Variants in ARCN1 observed in about 807,000 individuals in gnomAD.
ARCN1 encodes archain 1 coat protein complex I subunit delta.
In ARCN1, 5 loss-of-function variants were observed where a neutral mutation model predicts 60.4. That is an observed-to-expected ratio of 0.08 (90% CI 0.04 to 0.17). The LOEUF is 0.17. ARCN1 is among the 10% of genes least tolerant of loss of function. ARCN1 has a pLI of 1.00. For missense variants in ARCN1, 464 were observed against 626.5 expected, an observed-to-expected ratio of 0.74 and a Z score of 2.77; for synonymous variants, 224 against 220.0, an observed-to-expected ratio of 1.02 and a Z score of -0.16.
Position 118,581,925 on chromosome 11 carries a change from G to GACACACACACACACAC in ARCN1, c.267+419_267+420insCACACACACACACACA, listed in dbSNP as rs1361432735. 3.8e-3 allele frequency among the ~76,000 whole-genome samples: 455 copies of GACACACACACACACAC among 121,058 alleles called. 3 individuals carry two copies. The highest frequency in any genetic ancestry group is 5.9e-3 in the Non-Finnish European group (333 of 56,316). The allele number at this position is 121,058 out of a possible 152,430, so 79.4% of individuals were successfully genotyped here. On this transcript the variant is annotated intron_variant, in intron 2 of 9. Coordinates refer to ENST00000264028, the MANE Select transcript of ARCN1 (RefSeq NM_001655.5). ...GGTAAGACTTACTGATCCAGAGACA[G>GACACACACACACACAC]ACAGACAGACAGACACACACACACA...
chr11:118,579,772 TAA>T (rs1938610241), intron 1 of ARCN1, among the ~76,000 whole-genome samples: 2 of 152,132 alleles, frequency 1.3e-5, no homozygotes, highest in African/African-American at 4.8e-5. Flanking sequence ...TTTAAATAAA[TAA>T]AGTTTAATTT....
intron 1 of ARCN1, chr11:118,573,681 A>G (rs1446546270): frequency 1.4e-6 from 1 of 702,782 alleles, no homozygotes; most frequent in Non-Finnish European, 2.6e-6. Flanking sequence ...ATTTGGTGGC[A>G]ATCCTAATAA....
chr11:118,600,006 G>A (rs913321780), intron 9 of ARCN1, among the ~76,000 whole-genome samples: 27 of 152,162 alleles, frequency 1.8e-4, no homozygotes, highest in Non-Finnish European at 7.3e-5. Context: ...TCCTATTGGG[G>A]CTATTCAAAG....
intron 2 of ARCN1, among the ~76,000 whole-genome samples, chr11:118,582,263 C>T (rs782563990): frequency 9.2e-5 from 14 of 152,116 alleles, no homozygotes; most frequent in Non-Finnish European, 4.4e-5. Flanking sequence ...TGGCCTCAGC[C>T]TCCCGAGTAG....
chr11:118,581,870 TG>T (rs1938656874), intron 2 of ARCN1, among the ~76,000 whole-genome samples: 3 of 151,644 alleles, frequency 2.0e-5, no homozygotes, highest in Admixed American at 2.0e-4. Flanking sequence ...TAAGACTTTA[TG>T]CCAAAGTCTT....
intron 8 of ARCN1, 120 bp from the exon 9 acceptor site, chr11:118,597,587 C>T: frequency 3.1e-6 from 3 of 978,318 alleles, no homozygotes; most frequent in Admixed American, 5.3e-5. Flanking sequence ...CTTTTTTTCC[C>T]CTGAAATTGT....
At chr11:118,599,415 ATTCT>A (rs1187311538) in intron 9 of ARCN1, among the ~76,000 whole-genome samples, 1 of 150,316 alleles carries the variant, frequency 6.7e-6, no homozygotes, top group Non-Finnish European at 1.5e-5. Context: ...TTAACTCATC[ATTCT>A]TCCAGTTTTT....
chr11:118,580,458 T>C (rs1398500516), intron 1 of ARCN1, among the ~76,000 whole-genome samples: 4 of 152,202 alleles, frequency 2.6e-5, no homozygotes, highest in Non-Finnish European at 5.9e-5. Context: ...TTTAGTTCAA[T>C]ATAAAGTCAT....
chr11:118,582,495 C>T (rs1330281696), intron 2 of ARCN1, among the ~76,000 whole-genome samples: 1 of 149,970 alleles, frequency 6.7e-6, no homozygotes, highest in African/African-American at 2.4e-5. Context: ...GAGGCTGAGG[C>T]GGGTGGATCA....
intron 5 of ARCN1, among the ~76,000 whole-genome samples, chr11:118,586,412 A>G (rs563729899): frequency 6.6e-6 from 1 of 152,312 alleles, no homozygotes; most frequent in Admixed American, 6.5e-5. Flanking sequence ...TTTACTCTTT[A>G]TATGCCCTGT....
In ARCN1 at chr11:118,601,418, A is replaced by G. The variant is rs1042633345; in HGVS notation, c.*704A>G. On this transcript the variant is annotated 3_prime_UTR_variant, in exon 10 of 10. Coordinates refer to ENST00000264028, the MANE Select transcript of ARCN1 (RefSeq NM_001655.5). ...CTAAATATAGTTATATTTCATACTT[A>G]GTTTGTTTTTAAAAAGTTTTCTCTG... 3 of 596,754 alleles carry G rather than the reference A, an allele frequency of 5.0e-6. No individual in the cohort carries two copies. Among genetic ancestry groups the G allele is most frequent in the Non-Finnish European group, 8.9e-6 (3 of 337,474 alleles). 37.0% of individuals were successfully genotyped at this position (596,754 alleles called of 1,614,324 possible). A position where few individuals can be genotyped will look rare whatever the true frequency, so the allele number is the denominator to read the frequency against.
chr11:118,574,673 A>G (rs1247775798), intron 1 of ARCN1, among the ~76,000 whole-genome samples: 5 of 152,230 alleles, frequency 3.3e-5, no homozygotes, highest in Admixed American at 6.5e-5. Flanking sequence ...CAAAGTTCCA[A>G]TAGATAAATA....
Position 118,600,806 on chromosome 11 carries a change from A to G in ARCN1, c.*92A>G. 2 of 865,280 alleles carry G rather than the reference A, an allele frequency of 2.3e-6. No homozygotes were observed. The highest frequency in any genetic ancestry group is 3.6e-6 in the Non-Finnish European group (2 of 548,360). The allele number at this position is 865,280 out of a possible 1,614,324, so 53.6% of individuals were successfully genotyped here. Reference sequence around the variant, plus strand: ...AGAGTTTTTCCCAGATTTACAAGCCACTGGAGACCCCTTTTTTCTGATACA... The same window carrying G: ...AGAGTTTTTCCCAGATTTACAAGCCGCTGGAGACCCCTTTTTTCTGATACA... On this transcript the variant is annotated 3_prime_UTR_variant, in exon 10 of 10. Coordinates refer to ENST00000264028, the MANE Select transcript of ARCN1 (RefSeq NM_001655.5).
In ARCN1 at chr11:118,589,713, G is replaced by A. The variant is rs140677869; in HGVS notation, c.819-628G>A. ...TGGGATTACAGGCGTGAGCCACCACGCCCGTGAATATGCCTTTATTTGAGC... is the reference window on the plus strand; with the variant it reads ...TGGGATTACAGGCGTGAGCCACCACACCCGTGAATATGCCTTTATTTGAGC... On this transcript the variant is annotated intron_variant, in intron 5 of 9. Transcript: ENST00000264028. 1.4e-3 allele frequency among the ~76,000 whole-genome samples: 220 copies of A among 152,266 alleles called. 1 individual carries two copies. The Middle Eastern group carries it at 0.024, about 16-fold the overall frequency.
chr11:118,578,283 AT>A (rs1938570475), intron 1 of ARCN1, among the ~76,000 whole-genome samples: 1 of 151,872 alleles, frequency 6.6e-6, no homozygotes, highest in Non-Finnish European at 1.5e-5. Flanking sequence ...TTTTACCTAA[AT>A]TTTACTTGTA....
chr11:118,601,495 C>A lies in ARCN1; in HGVS notation c.*781C>A. The A allele has an allele frequency of 1.6e-6, 1 of 618,738 alleles. No homozygotes were observed. The highest frequency in any genetic ancestry group is 2.9e-6 in the Non-Finnish European group (1 of 347,676). The allele number at this position is 618,738 out of a possible 1,614,324, so 38.3% of individuals were successfully genotyped here. ...TTACCTTTAGGTTTTTCTTTCTATA[C>A]ATTCAGTCAGGCACTGGGATCATCT... is the stretch of plus-strand genomic sequence containing the variant. On this transcript the variant is annotated 3_prime_UTR_variant, in exon 10 of 10. Transcript: ENST00000264028.
chr11:118,601,807 A>G lies in ARCN1; in HGVS notation c.*1093A>G. On this transcript the variant is annotated 3_prime_UTR_variant, in exon 10 of 10. Transcript: ENST00000264028. ...TTTCAAATGGCACAGTCCCTCTTCAAGATGTCTAAAAGAATGGTTATGTCT... is the reference window on the plus strand; with the variant it reads ...TTTCAAATGGCACAGTCCCTCTTCAGGATGTCTAAAAGAATGGTTATGTCT... The G allele has an allele frequency of 2.9e-6, 2 of 690,628 alleles. No homozygotes were observed. Among genetic ancestry groups the G allele is most frequent in the Non-Finnish European group, 5.3e-6 (2 of 377,338 alleles). The allele number at this position is 690,628 out of a possible 1,614,324, so 42.8% of individuals were successfully genotyped here.
rs1938849435 is a variant in ARCN1, at chr11:118,589,471, C to T, written c.819-870C>T. ...TTGAGACAGAGTCTCACTCTGTTGC[C>T]CAGGCTGGAGTGCAGTGGCACCATC... On this transcript the variant is annotated intron_variant, in intron 5 of 9. Coordinates refer to ENST00000264028, the MANE Select transcript of ARCN1 (RefSeq NM_001655.5). Among the ~76,000 whole-genome samples, 4 of 151,888 alleles carry T rather than the reference C, an allele frequency of 2.6e-5. No individual in the cohort carries two copies. The South Asian group carries it at 8.3e-4, about 32-fold the overall frequency.
At chr11:118,596,205 A>G (rs1272208327) in intron 8 of ARCN1, among the ~76,000 whole-genome samples, 3 of 152,080 alleles carry the variant, frequency 2.0e-5, no homozygotes, top group Admixed American at 6.5e-5. Flanking sequence ...ATCCCCTTTA[A>G]TGGGTAACCA....
Sources: allele counts gnomAD v4.1 joint callset (sites outside exome capture counted in the v4.1 genomes callset), GRCh38; gene constraint gnomAD v4.1.1; transcripts MANE v1.5; gene names NCBI Gene and HGNC (gene_info 2026-07-23, HGNC 2026-07-21).